The following OIT3 variants were observed in gnomAD, a reference collection of about 807,000 sequenced individuals.
OIT3 encodes the protein oncoprotein-induced transcript 3 protein.
In OIT3, 41 loss-of-function variants were observed where a neutral mutation model predicts 52.2. The ratio of observed to expected loss-of-function variants is 0.79; its 90% CI spans 0.61 to 1.02. The LOEUF (loss-of-function observed/expected upper bound fraction) is 1.02, where lower values mean the gene tolerates loss of function less well. Among genes scored for constraint, OIT3 ranks in the 50% least tolerant of loss-of-function variants. The pLI is 0.00. For synonymous variants in OIT3, 244 were observed against 276.9 expected, an observed-to-expected ratio of 0.88 and a Z score of 1.18; for missense variants, 634 against 715.5, an observed-to-expected ratio of 0.89 and a Z score of 1.30.
chr10:72,901,606 TTTTG>T (rs539825896), intron 3 of OIT3, among the ~76,000 whole-genome samples: 10 of 152,068 alleles, frequency 6.6e-5, no homozygotes, highest in East Asian at 5.8e-4. Flanking sequence ...GCTTATTGGT[TTTTG>T]TTTGTTTGTT....
chr10:72,924,262 G>C lies in OIT3; in HGVS notation c.985G>C (p.Val329Leu). The C allele has an allele frequency of 6.2e-7, 1 of 1,606,202 alleles. No homozygotes were observed. The highest frequency in any genetic ancestry group is 1.1e-5 in the South Asian group (1 of 90,492). ...VNDKIVASNL[V>L]TGLPKQTPGS... ...TGACAAGATTGTGGCCAGCAACCTC[G>C]TGACAGGTCTACCCAAGCAGACCCC... Residue 329 changes from valine to leucine, a missense_variant, in exon 7 of 9, where the codon GTG (valine) becomes CTG (leucine). Transcript: ENST00000334011.
At chr10:72,916,645 A>G (rs998099894) in intron 6 of OIT3, among the ~76,000 whole-genome samples, 4 of 152,072 alleles carry the variant, frequency 2.6e-5, no homozygotes, top group Admixed American at 2.6e-4. Context: ...CACGTGCATT[A>G]CATGTGTCTT....
intron 2 of OIT3, among the ~76,000 whole-genome samples, chr10:72,899,699 TA>T (rs535595272): frequency 3.7e-5 from 5 of 136,828 alleles, no homozygotes; most frequent in African/African-American, 1.4e-4. Flanking sequence ...TTAAGATAGA[TA>T]GATGATAGAT....
chr10:72,908,008 T>A (rs1385074070), intron 4 of OIT3, among the ~76,000 whole-genome samples: 1 of 152,162 alleles, frequency 6.6e-6, no homozygotes, highest in East Asian at 1.9e-4. Flanking sequence ...TTTGGGAGAC[T>A]GTGGCGGGTG....
rs1200961414 is a variant in OIT3, at chr10:72,925,041, G to A, written c.1367+397G>A. Among the ~76,000 whole-genome samples the A allele has an allele frequency of 3.3e-5, 5 of 151,264 alleles. No individual in the cohort carries two copies. In the East Asian group the frequency reaches 5.8e-4, roughly 18 times the overall value. On this transcript the variant is annotated intron_variant, in intron 7 of 8. Transcript: ENST00000334011. ...CAGGAGAATCGCTTGAACCCGGGAG[G>A]TGGAGGTTGCAGTGAGCCAAGATCG...
chr10:72,919,492 G>A (rs558183574), intron 6 of OIT3, among the ~76,000 whole-genome samples: 1 of 152,262 alleles, frequency 6.6e-6, no homozygotes, highest in African/African-American at 2.4e-5. Context: ...ATATTGAATA[G>A]GAGTGGTGAG....
In OIT3 at chr10:72,932,468, G is replaced by A. The variant is rs780018350; in HGVS notation, c.1582G>A (p.Gly528Ser). The change falls in exon 9 of 9, where the codon GGT becomes AGT. Residue 528 changes from glycine (G) to serine (S), a missense_variant. By Grantham distance (56) the Gly-to-Ser change is moderately conservative. Transcript: ENST00000334011. ...TGGGGCAGGAGGAGAGGACTCAGCC[G>A]GTCTACAGGGCCAGACGCTAACAGG... Reference protein sequence around the residue: ...RRGAGGEDSAGLQGQTLTGGP... With the variant: ...RRGAGGEDSASLQGQTLTGGP... 24 of 1,613,754 alleles carry A rather than the reference G, an allele frequency of 1.5e-5. No individual in the cohort carries two copies. The Middle Eastern group carries it at 6.6e-4, about 44-fold the overall frequency.
intron 2 of OIT3, among the ~76,000 whole-genome samples, chr10:72,899,461 G>A (rs768240592): frequency 3.3e-5 from 5 of 152,034 alleles, no homozygotes; most frequent in African/African-American, 9.7e-5. Flanking sequence ...CAGGCGTGGT[G>A]GCAGGCAACT....
intron 1 of OIT3, 23 bp from the exon 2 acceptor site, chr10:72,898,626 ACACTCCAGGTACTCT>A (rs1474578356): frequency 6.4e-7 from 1 of 1,557,520 alleles, no homozygotes; most frequent in Admixed American, 1.8e-5. Flanking sequence ...GTGATCCGAA[ACACTCCAGGTACTCT>A]GAGGTATCTT....
intron 3 of OIT3, among the ~76,000 whole-genome samples, chr10:72,903,369 A>G (rs760632625): frequency 6.6e-6 from 1 of 152,054 alleles, no homozygotes; most frequent in Non-Finnish European, 1.5e-5. Flanking sequence ...AGGATTACAG[A>G]TGCTCACCAC....
At chr10:72,932,253 A>G in intron 8 of OIT3, 101 bp from the exon 9 acceptor site, 1 of 1,043,196 alleles carries the variant, frequency 9.6e-7, no homozygotes, top group Non-Finnish European at 1.5e-6. Flanking sequence ...TGTTAAGATT[A>G]CATGACTTAA....
In OIT3 at chr10:72,897,013, T is replaced by G. The variant is rs1338616655; in HGVS notation, c.62-1651T>G. On this transcript the variant is annotated intron_variant, in intron 1 of 8. Transcript: ENST00000334011. ...TAGTCATTAAAATGTTGTTTTTCTA[T>G]TTATTTATTTGTTTGTTTGTTTATT... 4.6e-5 allele frequency among the ~76,000 whole-genome samples: 7 copies of G among 152,050 alleles called. No homozygotes were observed. In the East Asian group the frequency reaches 1.3e-3, roughly 29 times the overall value.
At chr10:72,894,375 C>A (rs1845855631) in intron 1 of OIT3, among the ~76,000 whole-genome samples, 1 of 152,082 alleles carries the variant, frequency 6.6e-6, no homozygotes, top group African/African-American at 2.4e-5. Context: ...GCAAAACTGG[C>A]CAGTCAGGCA....
intron 1 of OIT3, among the ~76,000 whole-genome samples, chr10:72,897,779 C>T (rs150927128): frequency 3.3e-4 from 51 of 152,306 alleles, no homozygotes; most frequent in African/African-American, 9.9e-4. Context: ...TGAACTGAAA[C>T]GTGCTTTCCC....
chr10:72,918,628 G>A (rs1311003752), intron 6 of OIT3: 2 of 681,708 alleles, frequency 2.9e-6, no homozygotes, highest in East Asian at 2.6e-5. Context: ...AATCACACCA[G>A]GGTACACTTA....
At chr10:72,910,725 A>C (rs996309290) in intron 4 of OIT3, among the ~76,000 whole-genome samples, 2 of 152,196 alleles carry the variant, frequency 1.3e-5, no homozygotes, top group African/African-American at 4.8e-5. Context: ...TTTTGAAAAC[A>C]TCCCCTTTCT....
intron 4 of OIT3, among the ~76,000 whole-genome samples, chr10:72,910,647 T>A (rs1290644330): frequency 6.6e-6 from 1 of 152,244 alleles, no homozygotes; most frequent in Non-Finnish European, 1.5e-5. Context: ...TAAAAACTAT[T>A]ATTGAACTGA....
intron 3 of OIT3, among the ~76,000 whole-genome samples, chr10:72,903,450 G>T (rs1845951022): frequency 6.6e-6 from 1 of 152,064 alleles, no homozygotes; most frequent in Non-Finnish European, 1.5e-5. Flanking sequence ...CTGGTCTTGA[G>T]CTCCTGACCT....
At chr10:72,903,722 G>A (rs773533647) in intron 3 of OIT3, among the ~76,000 whole-genome samples, 16 of 152,014 alleles carry the variant, frequency 1.1e-4, no homozygotes, top group Non-Finnish European at 1.8e-4. Context: ...TGTGTTCTTA[G>A]AATTAACATA....
Sources: gnomAD v4.1 joint callset for allele counts (sites outside exome capture counted in the v4.1 genomes callset) on GRCh38, gnomAD v4.1.1 for gene constraint, MANE v1.5 for transcripts, NCBI Gene and HGNC (gene_info 2026-07-23, HGNC 2026-07-21) for gene names.